Variants in SPECC1 observed in about 807,000 individuals in gnomAD.
SPECC1 encodes the protein cytospin-B.
A neutral mutation model predicts 104.1 loss-of-function variants in SPECC1; 62 were observed. That is an observed-to-expected ratio of 0.60 (90% CI 0.49 to 0.74). SPECC1 has a LOEUF of 0.74. SPECC1 is among the 30% of genes least tolerant of loss of function. The pLI is 0.00. For missense variants in SPECC1, 1,306 were observed against 1,310.5 expected (o/e 1.00, Z 0.05); for synonymous variants, 513 against 501.6 (o/e 1.02, Z -0.30).
At chr17:20,067,925 C>T (rs537045109) in intron 1 of SPECC1, among the ~76,000 whole-genome samples, 5 of 152,254 alleles carry the variant, frequency 3.3e-5, no homozygotes, top group Admixed American at 1.3e-4. Context: ...TGTGAATTCC[C>T]CTCTTCTGGA....
chr17:20,065,980 C>G (rs934117704), intron 1 of SPECC1, among the ~76,000 whole-genome samples: 8 of 152,178 alleles, frequency 5.3e-5, no homozygotes, highest in African/African-American at 1.9e-4. Flanking sequence ...TTATCTATAT[C>G]TATCTATCTA....
chr17:20,181,236 T>C (rs2034862750), intron 3 of SPECC1, among the ~76,000 whole-genome samples: 1 of 151,880 alleles, frequency 6.6e-6, no homozygotes, highest in Non-Finnish European at 1.5e-5. Flanking sequence ...ACTGAAAATA[T>C]AAGAGCGAAA....
intron 10 of SPECC1, among the ~76,000 whole-genome samples, chr17:20,255,714 G>T (rs1428241153): frequency 6.6e-6 from 1 of 152,122 alleles, no homozygotes; most frequent in Admixed American, 6.5e-5. Context: ...AGAGGTGCAT[G>T]TCACCATGCC....
In SPECC1 at chr17:20,204,360, G is replaced by A. The variant is rs377360068; in HGVS notation, c.311G>A (p.Gly104Asp). The A allele has an allele frequency of 6.2e-6, 10 of 1,612,762 alleles. No homozygotes were observed. The African/African-American group carries it at 1.3e-4, about 22-fold the overall frequency. ...TGAFTTTKRTGIPAPREFSVT... is the reference protein window; with the variant it reads ...TGAFTTTKRTDIPAPREFSVT... ...GCCTTTACAACAACTAAACGGACAG[G>A]CATTCCAGCCCCACGGGAATTTTCA... Residue 104 changes from glycine (G) to aspartate (D), a missense_variant, in exon 4 of 15, where the codon GGC becomes GAC. Physicochemically the swap from Gly to Asp is moderately conservative, Grantham distance 94. Coordinates refer to ENST00000395527, the MANE Select transcript of SPECC1 (RefSeq NM_001243439.2).
chr17:20,260,572 C>T (rs1334828189), intron 12 of SPECC1, among the ~76,000 whole-genome samples: 1 of 152,222 alleles, frequency 6.6e-6, no homozygotes, highest in Non-Finnish European at 1.5e-5. Flanking sequence ...GGACCTTTTT[C>T]TTTGGTCAGA....
At position 20,203,936 on chromosome 17, in the gene SPECC1, C is replaced by T. The variant is rs536044592; in HGVS notation, c.284-397C>T. Among the ~76,000 whole-genome samples the T allele has an allele frequency of 2.6e-5, 4 of 152,320 alleles. No homozygotes were observed. In the East Asian group the frequency reaches 7.7e-4, roughly 29 times the overall value. ...TCTTCCTTCTCTGCCATCTGCATTC[C>T]CACCTTCCTCTTGAAAGGGCAGGGT... On this transcript the variant is annotated intron_variant, in intron 3 of 14. Transcript: ENST00000395527.
chr17:20,253,382 C>T, intron 9 of SPECC1, 123 bp from the exon 10 acceptor site: 2 of 846,006 alleles, frequency 2.4e-6, no homozygotes, highest in South Asian at 1.9e-5. Flanking sequence ...TTAAAAACTC[C>T]CCTGGTTATT....
At chr17:20,297,813 C>T (rs537265317) in intron 13 of SPECC1, among the ~76,000 whole-genome samples, 63 of 152,276 alleles carry the variant, frequency 4.1e-4, no homozygotes, top group African/African-American at 1.3e-3. Flanking sequence ...TGCTGGGTCC[C>T]GCTGTTGGTC....
intron 9 of SPECC1, 24 bp downstream of exon 9, chr17:20,247,343 A>ATAAG: frequency 6.4e-7 from 1 of 1,556,616 alleles, no homozygotes; most frequent in Non-Finnish European, 8.9e-7. Context: ...AGAAATAACC[A>ATAAG]CTGCTTATGG....
At chr17:20,309,323 A>C (rs1555537300) in intron 14 of SPECC1, among the ~76,000 whole-genome samples, 1 of 152,222 alleles carries the variant, frequency 6.6e-6, no homozygotes, top group Non-Finnish European at 1.5e-5. Context: ...ATGCCAGGAA[A>C]ATTGTCTTAT....
intron 7 of SPECC1, among the ~76,000 whole-genome samples, chr17:20,233,404 A>C (rs1223659853): frequency 1.3e-5 from 2 of 152,208 alleles, no homozygotes; most frequent in Non-Finnish European, 2.9e-5. Flanking sequence ...TTCTCCTGTC[A>C]ATTCTGCTCC....
chr17:20,140,095 T>C (rs753837468), intron 3 of SPECC1, among the ~76,000 whole-genome samples: 1 of 152,222 alleles, frequency 6.6e-6, no homozygotes, highest in Non-Finnish European at 1.5e-5. Context: ...TCTCGTCCTA[T>C]GTGAGTAGGA....
At chr17:20,254,751 G>A (rs190880259) in intron 10 of SPECC1, among the ~76,000 whole-genome samples, 1 of 152,296 alleles carries the variant, frequency 6.6e-6, no homozygotes, top group African/African-American at 2.4e-5. Flanking sequence ...CACATGGACA[G>A]AAATCCTTTT....
At chr17:20,218,692 T>G (rs1194975706) in intron 4 of SPECC1, among the ~76,000 whole-genome samples, 2 of 151,764 alleles carry the variant, frequency 1.3e-5, no homozygotes, top group Non-Finnish European at 2.9e-5. Flanking sequence ...ATGGGGTACC[T>G]GAGATATTTT....
intron 12 of SPECC1, among the ~76,000 whole-genome samples, chr17:20,266,525 G>A (rs374683365): frequency 1.1e-4 from 16 of 152,126 alleles, no homozygotes; most frequent in Non-Finnish European, 1.5e-4. Context: ...CGGAGCTTGC[G>A]GTGAGCCGAG....
At chr17:20,141,877 C>G (rs1049750686) in intron 3 of SPECC1, among the ~76,000 whole-genome samples, 1 of 152,184 alleles carries the variant, frequency 6.6e-6, no homozygotes, top group Non-Finnish European at 1.5e-5. Context: ...ACTTTGTGAT[C>G]TTCTCTTTCA....
chr17:20,277,746 C>T (rs189847935), intron 12 of SPECC1, among the ~76,000 whole-genome samples: 7 of 152,158 alleles, frequency 4.6e-5, no homozygotes, highest in East Asian at 1.9e-4. Flanking sequence ...CCATATTCCC[C>T]GCCCTCAGCG....
intron 1 of SPECC1, among the ~76,000 whole-genome samples, chr17:20,019,209 TTC>T (rs2044272389): frequency 1.3e-4 from 2 of 15,768 alleles, no homozygotes; most frequent in East Asian, 1.0e-3. Context: ...GACCCTATCA[TTC>T]ATTTATTTAT....
intron 7 of SPECC1, among the ~76,000 whole-genome samples, chr17:20,235,456 C>T (rs764705605): frequency 3.9e-5 from 6 of 152,196 alleles, no homozygotes; most frequent in Non-Finnish European, 8.8e-5. Context: ...CTGAAATGAA[C>T]CCGTCACATC....
Sources: allele counts gnomAD v4.1 joint callset (sites outside exome capture counted in the v4.1 genomes callset), GRCh38; gene constraint gnomAD v4.1.1; transcripts MANE v1.5; gene names NCBI Gene and HGNC (gene_info 2026-07-23, HGNC 2026-07-21).